PRIMA1: variants seen among roughly 807,000 people sequenced by gnomAD.
PRIMA1 encodes proline rich membrane anchor 1.
Under a neutral mutation model 17.5 loss-of-function variants are expected in PRIMA1, and 7 were observed. The observed-to-expected ratio is 0.40, with a 90% CI of 0.23 to 0.75. The LOEUF is 0.75. PRIMA1 is among the 30% of genes least tolerant of loss of function. The pLI, the probability that PRIMA1 is intolerant of heterozygous loss-of-function variation, is 0.37. For synonymous variants in PRIMA1, 97 were observed against 77.9 expected, an observed-to-expected ratio of 1.25 and a Z score of -1.29; for missense variants, 200 against 201.8, an observed-to-expected ratio of 0.99 and a Z score of 0.05.
intron 4 of PRIMA1, among the ~76,000 whole-genome samples, chr14:93,722,029 T>C (rs984189933): frequency 5.0e-5 from 3 of 59,964 alleles, no homozygotes; most frequent in African/African-American, 1.3e-4. Context: ...CTGGTGGTAA[T>C]GGGGTGGTGG....
At chr14:93,781,008 C>T (rs767763108) in intron 2 of PRIMA1, among the ~76,000 whole-genome samples, 10 of 152,210 alleles carry the variant, frequency 6.6e-5, no homozygotes, top group South Asian at 4.1e-4. Flanking sequence ...GAGAGCCCCC[C>T]GGGGCTGGGA....
chr14:93,788,621 C>G (rs1469018405), upstream of PRIMA1: 4 of 152,204 alleles, frequency 2.6e-5, no homozygotes, highest in African/African-American at 9.7e-5. Flanking sequence ...GCGCCCGGCG[C>G]TGGAGCAAAA....
chr14:93,723,392 G>A (rs1366787163), intron 4 of PRIMA1, among the ~76,000 whole-genome samples: 1 of 152,148 alleles, frequency 6.6e-6, no homozygotes, highest in Non-Finnish European at 1.5e-5. Flanking sequence ...TGACCAGCTC[G>A]ATGTCTCTGG....
At chr14:93,722,700 GATA>G (rs375474542) in intron 4 of PRIMA1, among the ~76,000 whole-genome samples, 443 of 12,684 alleles carry the variant, frequency 0.035, 3 homozygotes, top group South Asian at 0.094. Context: ...TAATGATGAT[GATA>G]GTGGTGGTTA....
At chr14:93,731,805 A>G (rs563262841) in intron 4 of PRIMA1, among the ~76,000 whole-genome samples, 1 of 152,328 alleles carries the variant, frequency 6.6e-6, no homozygotes, top group South Asian at 2.1e-4. Context: ...TAGGTGCTCA[A>G]TAAATGGATC....
chr14:93,742,445 C>G (rs2076190041), intron 3 of PRIMA1, among the ~76,000 whole-genome samples: 1 of 152,200 alleles, frequency 6.6e-6, no homozygotes, highest in African/African-American at 2.4e-5. Context: ...TATATAATGG[C>G]ACATCGTGGC....
intron 2 of PRIMA1, among the ~76,000 whole-genome samples, chr14:93,784,889 A>G (rs1885477706): frequency 6.6e-6 from 1 of 152,172 alleles, no homozygotes; most frequent in Non-Finnish European, 1.5e-5. Context: ...TGCACTTAAC[A>G]AAGGGCCTGG....
At chr14:93,750,177 G>A (rs1269667935) in intron 3 of PRIMA1, among the ~76,000 whole-genome samples, 2 of 151,964 alleles carry the variant, frequency 1.3e-5, no homozygotes, top group African/African-American at 2.4e-5. Context: ...GATACAGTGA[G>A]ACTCCGTCTA....
chr14:93,771,140 ATG>A (rs60962010), intron 3 of PRIMA1, among the ~76,000 whole-genome samples: 1 of 151,516 alleles, frequency 6.6e-6, no homozygotes, highest in East Asian at 1.9e-4. Context: ...ATGTGCACGT[ATG>A]TGTGTGTGTG....
chr14:93,735,430 C>T (rs1409897341), intron 4 of PRIMA1, among the ~76,000 whole-genome samples: 1 of 152,178 alleles, frequency 6.6e-6, no homozygotes, highest in Non-Finnish European at 1.5e-5. Flanking sequence ...CTGCTTAAAA[C>T]CCTCCTCCCA....
intron 2 of PRIMA1, among the ~76,000 whole-genome samples, chr14:93,786,353 A>T (rs1349915247): frequency 6.6e-6 from 1 of 152,236 alleles, no homozygotes; most frequent in Middle Eastern, 3.2e-3. Context: ...GCCAGAGAAG[A>T]GAGCAGAAGA....
At chr14:93,772,723 A>G (rs7155770) in intron 3 of PRIMA1, among the ~76,000 whole-genome samples, 128,071 of 152,228 alleles carry the variant, frequency 0.84, 54,295 homozygotes, top group Middle Eastern at 0.93. Flanking sequence ...AGAGACACAG[A>G]TGGGACTCTC....
intron 3 of PRIMA1, among the ~76,000 whole-genome samples, chr14:93,776,808 G>A (rs549938496): frequency 6.6e-6 from 1 of 152,314 alleles, no homozygotes; most frequent in Admixed American, 6.5e-5. Context: ...TATAGAGAAG[G>A]TCTCAGCACT....
rs746090636 is a variant in PRIMA1 at position 93,719,250 on chromosome 14, G to A, written c.*2194C>T. Reference sequence around the variant, plus strand: ...CCCAAAACGTGGTGATGGCTCAGCTGATTCCTCACCAGGGAGCCTCGCCTG... The same window carrying A: ...CCCAAAACGTGGTGATGGCTCAGCTAATTCCTCACCAGGGAGCCTCGCCTG... On this transcript the variant is annotated 3_prime_UTR_variant, in exon 5 of 5. Transcript: ENST00000393140. The A allele has an allele frequency of 1.5e-4, 22 of 151,056 alleles. No homozygotes were observed. The highest frequency in any genetic ancestry group is 2.2e-4 in the Non-Finnish European group (15 of 68,050). The allele number at this position is 151,056 out of a possible 1,614,324, so 9.4% of individuals were successfully genotyped here.
intron 4 of PRIMA1, 40 bp downstream of exon 4, chr14:93,737,201 C>T: frequency 6.2e-7 from 1 of 1,607,668 alleles, no homozygotes; most frequent in Non-Finnish European, 8.5e-7. Flanking sequence ...AGCTGGGGTT[C>T]CCTTCGGCTT....
At chr14:93,737,704 C>G (rs774369752) in intron 3 of PRIMA1, among the ~76,000 whole-genome samples, 3 of 152,200 alleles carry the variant, frequency 2.0e-5, no homozygotes, top group South Asian at 2.1e-4. Context: ...CTGACCTTTC[C>G]GGCCATCCCT....
At chr14:93,736,412 G>T (rs564044066) in intron 4 of PRIMA1, among the ~76,000 whole-genome samples, 3 of 152,342 alleles carry the variant, frequency 2.0e-5, no homozygotes, top group Admixed American at 6.5e-5. Flanking sequence ...CCCGGCTGAG[G>T]TATTGCTGAT....
At chr14:93,727,705 G>A (rs1183433778) in intron 4 of PRIMA1, among the ~76,000 whole-genome samples, 2 of 152,090 alleles carry the variant, frequency 1.3e-5, no homozygotes, top group Non-Finnish European at 2.9e-5. Context: ...CAGAACAGGT[G>A]GGCACAGGCA....
At chr14:93,729,932 G>T (rs574191935) in intron 4 of PRIMA1, among the ~76,000 whole-genome samples, 1 of 151,720 alleles carries the variant, frequency 6.6e-6, no homozygotes, top group Admixed American at 6.6e-5. Flanking sequence ...ATGGCAGGGG[G>T]CTGGGAAAAC....
Sources: allele counts gnomAD v4.1 joint callset (sites outside exome capture counted in the v4.1 genomes callset), GRCh38; gene constraint gnomAD v4.1.1; transcripts MANE v1.5; gene names NCBI Gene and HGNC (gene_info 2026-07-23, HGNC 2026-07-21).